C4orf51: variants seen among roughly 807,000 people sequenced by gnomAD.
C4orf51 encodes uncharacterized protein C4orf51.
C4orf51 carries 25 observed loss-of-function variants against 25.2 expected under a neutral mutation model. The ratio of observed to expected loss-of-function variants is 0.99; its 90% CI spans 0.72 to 1.39. The LOEUF is 1.39. Ranked by LOEUF, C4orf51 falls within the 40% of genes most tolerant of loss-of-function variation. The pLI is 0.00. For synonymous variants in C4orf51, 100 were observed against 84.5 expected (o/e 1.18, Z -1.01); for missense variants, 252 against 239.6 (o/e 1.05, Z -0.34).
downstream of C4orf51, chr4:145,758,252 A>G (rs529760891): frequency 3.7e-4 from 57 of 152,352 alleles, no homozygotes; most frequent in African/African-American, 1.3e-3. Flanking sequence ...TTACTAAGTC[A>G]TTCAAATACA....
chr4:145,729,243 T>G lies in C4orf51; in HGVS notation c.427+14T>G. The stretch of plus-strand genomic sequence containing the variant: ...ATGGAAAATACTGTAAGTCCCATCC[T>G]GAACTACTACTTTACATCCATTTTC... On this transcript the variant is annotated intron_variant, in intron 4 of 5. Transcript: ENST00000438731. 9 of 1,555,762 alleles carry G rather than the reference T, an allele frequency of 5.8e-6. No individual in the cohort carries two copies. The highest frequency in any genetic ancestry group is 8.0e-6 in the Non-Finnish European group (9 of 1,130,758).
At chr4:145,697,292 A>G (rs1236605354) in intron 2 of C4orf51, among the ~76,000 whole-genome samples, 5 of 151,632 alleles carry the variant, frequency 3.3e-5, no homozygotes, top group Non-Finnish European at 5.9e-5. Context: ...AAGAGATGGG[A>G]TTTCACCATG....
At chr4:145,781,174 C>CA in the C4orf51 span, among the ~76,000 whole-genome samples, 3,471 of 104,470 alleles carry the variant, frequency 0.033, 160 homozygotes, top group African/African-American at 0.12. Flanking sequence ...CCAGCCCGGG[C>CA]AACAGAACGA....
intron 2 of C4orf51, among the ~76,000 whole-genome samples, chr4:145,699,170 G>C (rs936103234): frequency 2.0e-5 from 3 of 150,034 alleles, no homozygotes; most frequent in Non-Finnish European, 3.0e-5. Flanking sequence ...ATCTCCCTTC[G>C]CTGACTCTCT....
At chr4:145,775,550 C>T (rs1283585177), downstream of C4orf51, among the ~76,000 whole-genome samples, 1 of 152,054 alleles carries the variant, frequency 6.6e-6, no homozygotes, top group Non-Finnish European at 1.5e-5. Flanking sequence ...TGGAGCTCCA[C>T]CCCAGAGAGC....
At chr4:145,756,156 G>A (rs2126819128), downstream of C4orf51, among the ~76,000 whole-genome samples, 1 of 152,292 alleles carries the variant, frequency 6.6e-6, no homozygotes, top group Middle Eastern at 3.4e-3. Context: ...TGGATAAGGG[G>A]ACATATGTGC....
At chr4:145,701,481 T>A (rs946801427) in intron 2 of C4orf51, among the ~76,000 whole-genome samples, 21 of 151,732 alleles carry the variant, frequency 1.4e-4, no homozygotes, top group Non-Finnish European at 2.5e-4. Flanking sequence ...ACTGTTCAAC[T>A]CACCTGGCAG....
At chr4:145,728,411 T>A (rs1732232709) in intron 3 of C4orf51, among the ~76,000 whole-genome samples, 1 of 152,222 alleles carries the variant, frequency 6.6e-6, no homozygotes, top group Non-Finnish European at 1.5e-5. Context: ...TCAAGCATCT[T>A]CTCCTATGTT....
At chr4:145,727,440 T>C (rs1038515156) in intron 3 of C4orf51, among the ~76,000 whole-genome samples, 1 of 152,156 alleles carries the variant, frequency 6.6e-6, no homozygotes, top group African/African-American at 2.4e-5. Context: ...ATTGATGAGA[T>C]CACACTGGAC....
intron 1 of C4orf51, chr4:145,760,740 C>A: frequency 2.8e-4 from 133 of 477,462 alleles, no homozygotes; most frequent in Middle Eastern, 9.4e-4. Context: ...TTTTTTTTGT[C>A]TTTTGTCTCT....
chr4:145,707,486 T>A (rs1400583628), intron 2 of C4orf51, among the ~76,000 whole-genome samples: 1 of 152,256 alleles, frequency 6.6e-6, no homozygotes, highest in Non-Finnish European at 1.5e-5. Flanking sequence ...AAGTGTGGGC[T>A]ATTTCTATAC....
intron 2 of C4orf51, among the ~76,000 whole-genome samples, chr4:145,698,617 A>G (rs547860810): frequency 6.6e-6 from 1 of 152,284 alleles, no homozygotes; most frequent in South Asian, 2.1e-4. Context: ...ATCAGATTTA[A>G]AGAGTCTGTT....
At chr4:145,741,659 G>A (rs570134940) in intron 1 of C4orf51, among the ~76,000 whole-genome samples, 38 of 152,176 alleles carry the variant, frequency 2.5e-4, no homozygotes, top group African/African-American at 7.5e-4. Flanking sequence ...GTCTTTTGGC[G>A]AGAGCTAGGA....
intron 2 of C4orf51, among the ~76,000 whole-genome samples, chr4:145,702,035 C>T (rs2126706692): frequency 6.6e-6 from 1 of 152,206 alleles, no homozygotes; most frequent in South Asian, 2.1e-4. Context: ...TGCCCATTAC[C>T]ATCCCATTAA....
chr4:145,742,154 A>G (rs781132497), intron 1 of C4orf51, among the ~76,000 whole-genome samples: 17 of 152,178 alleles, frequency 1.1e-4, no homozygotes, highest in Non-Finnish European at 1.9e-4. Context: ...AAGATCACCA[A>G]TGGCCATCAA....
intron 2 of C4orf51, among the ~76,000 whole-genome samples, chr4:145,721,017 C>T (rs997501565): frequency 3.9e-5 from 6 of 152,162 alleles, no homozygotes; most frequent in African/African-American, 1.4e-4. Flanking sequence ...GTATGCCTTG[C>T]TGTGAGAAGT....
At chr4:145,701,336 C>T (rs184593399) in intron 2 of C4orf51, among the ~76,000 whole-genome samples, 11 of 152,242 alleles carry the variant, frequency 7.2e-5, no homozygotes, top group South Asian at 2.1e-4. Context: ...AGTGCCCAGG[C>T]GTTCCTCCAG....
At chr4:145,716,147 T>C (rs1731398992) in intron 2 of C4orf51, among the ~76,000 whole-genome samples, 1 of 152,250 alleles carries the variant, frequency 6.6e-6, no homozygotes, top group Admixed American at 6.5e-5. Flanking sequence ...TAGATAAACT[T>C]CCAAATTCCA....
intron 2 of C4orf51, among the ~76,000 whole-genome samples, chr4:145,726,407 T>C (rs1732058591): frequency 6.6e-6 from 1 of 152,170 alleles, no homozygotes; most frequent in Non-Finnish European, 1.5e-5. Context: ...CAATAAACTA[T>C]TGGGCTTTTT....
Sources: gnomAD v4.1 joint callset for allele counts (sites outside exome capture counted in the v4.1 genomes callset) on GRCh38, gnomAD v4.1.1 for gene constraint, MANE v1.5 for transcripts, NCBI Gene and HGNC (gene_info 2026-07-23, HGNC 2026-07-21) for gene names.